Variants in GRIK3 observed in about 807,000 individuals in gnomAD.
The protein encoded by GRIK3 is glutamate ionotropic receptor kainate type subunit 3, also known as glutamate receptor ionotropic, kainate 3.
A neutral mutation model predicts 102.5 loss-of-function variants in GRIK3; 29 were observed. That is an observed-to-expected ratio of 0.28 (90% CI 0.21 to 0.39). GRIK3 has a LOEUF of 0.39. GRIK3 is among the 10% of genes least tolerant of loss of function. The pLI, the probability that GRIK3 is intolerant of heterozygous loss-of-function variation, is 1.00. For synonymous variants in GRIK3, 511 were observed against 504.9 expected (o/e 1.01, Z -0.16); for missense variants, 908 against 1,252.4 (o/e 0.73, Z 4.15).
chr1:36,929,297 C>T (rs1641562835), intron 1 of GRIK3, among the ~76,000 whole-genome samples: 1 of 152,034 alleles, frequency 6.6e-6, no homozygotes. Flanking sequence ...AATCTATACT[C>T]CAGCAGAGAG....
At chr1:36,962,504 T>A (rs1250014168) in intron 1 of GRIK3, among the ~76,000 whole-genome samples, 3 of 151,884 alleles carry the variant, frequency 2.0e-5, no homozygotes, top group African/African-American at 4.8e-5. Flanking sequence ...GGAAAGGGAC[T>A]GAGGGCCAAG....
At chr1:36,916,501 A>C (rs1314639492) in intron 1 of GRIK3, among the ~76,000 whole-genome samples, 2 of 152,174 alleles carry the variant, frequency 1.3e-5, no homozygotes, top group Non-Finnish European at 2.9e-5. Context: ...CTCACATCAC[A>C]GGCATGGAGA....
At chr1:36,938,610 T>C (rs959059781) in intron 1 of GRIK3, among the ~76,000 whole-genome samples, 1 of 152,234 alleles carries the variant, frequency 6.6e-6, no homozygotes, top group Admixed American at 6.5e-5. Flanking sequence ...AGAGTGACTT[T>C]TCCCAGCTCA....
chr1:36,991,560 G>A (rs1336651460), intron 1 of GRIK3, among the ~76,000 whole-genome samples: 2 of 152,188 alleles, frequency 1.3e-5, no homozygotes, highest in African/African-American at 4.8e-5. Flanking sequence ...ATCAGGCTCG[G>A]GTGTGAAAAG....
chr1:36,985,373 C>T (rs1642293308), intron 1 of GRIK3, among the ~76,000 whole-genome samples: 1 of 152,174 alleles, frequency 6.6e-6, no homozygotes. Flanking sequence ...GGAGCACCCT[C>T]CCTACCAGCC....
chr1:36,949,570 C>CTTTTTTTTTT (rs1557436911), intron 1 of GRIK3, among the ~76,000 whole-genome samples: 1 of 134,870 alleles, frequency 7.4e-6, no homozygotes, highest in African/African-American at 2.9e-5. Context: ...CTCTCTCTCT[C>CTTTTTTTTTT]TTTCTTTTTT....
chr1:36,886,470 G>C (rs187762564), intron 2 of GRIK3, among the ~76,000 whole-genome samples: 66 of 152,306 alleles, frequency 4.3e-4, no homozygotes, highest in Non-Finnish European at 7.8e-4. Context: ...AAAAAATAAA[G>C]ATCATGGAAC....
intron 1 of GRIK3, among the ~76,000 whole-genome samples, chr1:36,935,813 TC>T (rs1641650459): frequency 1.3e-5 from 2 of 152,294 alleles, no homozygotes; most frequent in South Asian, 2.1e-4. Flanking sequence ...CAAGCACCAT[TC>T]CAGAGACAGG....
intron 1 of GRIK3, among the ~76,000 whole-genome samples, chr1:36,945,581 A>G (rs1202777511): frequency 1.3e-5 from 2 of 152,242 alleles, no homozygotes; most frequent in African/African-American, 4.8e-5. Flanking sequence ...GAGAATACAG[A>G]TAGCTCAGAG....
intron 1 of GRIK3, among the ~76,000 whole-genome samples, chr1:36,968,970 C>T (rs1224823203): frequency 6.6e-6 from 1 of 152,200 alleles, no homozygotes; most frequent in Non-Finnish European, 1.5e-5. Context: ...AATTTGGGGG[C>T]CTTGTCAAAG....
intron 13 of GRIK3, among the ~76,000 whole-genome samples, chr1:36,814,434 T>C (rs781242147): frequency 2.0e-5 from 3 of 150,776 alleles, no homozygotes; most frequent in African/African-American, 4.9e-5. Context: ...CACATATGCA[T>C]GTACAGTTCA....
Position 36,859,888 on chromosome 1 carries a change from C to T in GRIK3, c.916G>A (p.Ala306Thr). 1.2e-6 allele frequency: 2 copies of T among 1,614,072 alleles called. No individual in the cohort carries two copies. The highest frequency in any genetic ancestry group is 2.2e-5 in the East Asian group (1 of 44,870). Residue 306 changes from alanine (A) to threonine (T), a missense_variant, in exon 6 of 16, where the codon GCA becomes ACA. Physicochemically the swap from Ala to Thr is moderately conservative, Grantham distance 58. This residue lies in a region of GRIK3 where 585 missense variants were observed against 824.9 expected (regional missense o/e 0.71). Transcript: ENST00000373091. ...AGGCCAGACTCGGACCGGGGAGCTG[C>T]CTGCAGCCGCTCCATGGACCACTTC... ...VEKWSMERLQ[A>T]APRSESGLLD...
chr1:36,933,664 C>T (rs530682538), intron 1 of GRIK3, among the ~76,000 whole-genome samples: 97 of 152,326 alleles, frequency 6.4e-4, no homozygotes, highest in African/African-American at 1.9e-3. Context: ...CTTGAGGCAG[C>T]GGAAGACATT....
At chr1:36,894,956 T>A (rs77951556) in intron 1 of GRIK3, among the ~76,000 whole-genome samples, 393 of 151,938 alleles carry the variant, frequency 2.6e-3, no homozygotes, top group African/African-American at 9.0e-3. Flanking sequence ...CCTGCTGGGG[T>A]TTCATGAGAG....
intron 13 of GRIK3, among the ~76,000 whole-genome samples, chr1:36,809,149 C>T (rs1004119060): frequency 2.0e-5 from 3 of 148,994 alleles, no homozygotes; most frequent in Non-Finnish European, 4.5e-5. Context: ...AATTACCCAT[C>T]AACCCATCCA....
At chr1:36,984,482 T>C (rs1447973976) in intron 1 of GRIK3, among the ~76,000 whole-genome samples, 1 of 152,200 alleles carries the variant, frequency 6.6e-6, no homozygotes, top group Non-Finnish European at 1.5e-5. Flanking sequence ...GAGATCCTCC[T>C]CCAAATCCAC....
At chr1:36,844,236 T>C (rs61769811) in intron 9 of GRIK3, among the ~76,000 whole-genome samples, 22,764 of 152,270 alleles carry the variant, frequency 0.15, 1,800 homozygotes, top group African/African-American at 0.17. Flanking sequence ...CCAGGGATTC[T>C]GAGTCTAACT....
chr1:36,886,704 T>C (rs1641041251), intron 2 of GRIK3, among the ~76,000 whole-genome samples: 1 of 152,230 alleles, frequency 6.6e-6, no homozygotes, highest in Non-Finnish European at 1.5e-5. Flanking sequence ...ACATGACTGT[T>C]ATGAATTTTC....
chr1:36,916,803 G>A (rs1570797724), intron 1 of GRIK3, among the ~76,000 whole-genome samples: 1 of 152,312 alleles, frequency 6.6e-6, no homozygotes, highest in East Asian at 1.9e-4. Context: ...CAGGGGTGGG[G>A]CCCTCATGGA....
Sources: allele counts gnomAD v4.1 joint callset (sites outside exome capture counted in the v4.1 genomes callset), GRCh38; gene constraint gnomAD v4.1.1; regional missense constraint gnomAD v4.1.1; transcripts MANE v1.5; gene names NCBI Gene and HGNC (gene_info 2026-07-23, HGNC 2026-07-21).